C10orf90: variants seen among roughly 807,000 people sequenced by gnomAD.
C10orf90 encodes the protein (E2-independent) E3 ubiquitin-conjugating enzyme FATS.
In C10orf90, 56 loss-of-function variants were observed where a neutral mutation model predicts 62.5. The ratio of observed to expected loss-of-function variants is 0.90; its 90% CI spans 0.72 to 1.12. C10orf90 has a LOEUF of 1.12. Among genes scored for constraint, C10orf90 ranks in the 50% most tolerant of loss-of-function variants. The pLI is 0.00. For missense variants in C10orf90, 970 were observed against 880.4 expected, an observed-to-expected ratio of 1.10 and a Z score of -1.29; for synonymous variants, 386 against 340.4, an observed-to-expected ratio of 1.13 and a Z score of -1.47.
chr10:126,530,520 A>G (rs1864065594), intron 2 of C10orf90, among the ~76,000 whole-genome samples: 1 of 152,192 alleles, frequency 6.6e-6, no homozygotes, highest in Non-Finnish European at 1.5e-5. Flanking sequence ...CCTTACCAAA[A>G]TGATACAATA....
At chr10:126,555,680 G>GTAAATAAATAAA (rs71032506) in intron 2 of C10orf90, among the ~76,000 whole-genome samples, 11,383 of 136,312 alleles carry the variant, frequency 0.084, 584 homozygotes, top group East Asian at 0.14. Context: ...CTCTATCTCA[G>GTAAATAAATAAA]TAAATAAATA....
chr10:126,533,764 G>T (rs1222897528), intron 2 of C10orf90, among the ~76,000 whole-genome samples: 1 of 152,198 alleles, frequency 6.6e-6, no homozygotes, highest in Non-Finnish European at 1.5e-5. Flanking sequence ...TACACATCAC[G>T]CTCACTTTAG....
chr10:126,518,141 G>A (rs952457778), intron 2 of C10orf90, among the ~76,000 whole-genome samples: 8 of 151,838 alleles, frequency 5.3e-5, no homozygotes, highest in African/African-American at 1.7e-4. Context: ...AACCTGACCC[G>A]AGACAGGGTC....
At chr10:126,570,687 A>G (rs1411780149) in intron 2 of C10orf90, among the ~76,000 whole-genome samples, 1 of 152,174 alleles carries the variant, frequency 6.6e-6, no homozygotes, top group African/African-American at 2.4e-5. Context: ...CTGAAAATAA[A>G]TGAGAAACCA....
At chr10:126,664,054 C>T (rs748846722) in intron 1 of C10orf90, among the ~76,000 whole-genome samples, 11 of 152,114 alleles carry the variant, frequency 7.2e-5, no homozygotes, top group South Asian at 2.1e-4. Flanking sequence ...GTCTCTTGTC[C>T]GTGATGGAAT....
At chr10:126,665,950 A>C (rs1177488791) in intron 1 of C10orf90, among the ~76,000 whole-genome samples, 3 of 152,220 alleles carry the variant, frequency 2.0e-5, no homozygotes, top group Non-Finnish European at 4.4e-5. Flanking sequence ...GTGGTAGGTC[A>C]CATCATTCAG....
chr10:126,578,577 GT>G (rs1844673726), intron 2 of C10orf90, among the ~76,000 whole-genome samples: 1 of 152,176 alleles, frequency 6.6e-6, no homozygotes, highest in Non-Finnish European at 1.5e-5. Flanking sequence ...TATTTGGCAT[GT>G]CCTATGATCC....
intron 2 of C10orf90, among the ~76,000 whole-genome samples, chr10:126,567,604 C>T (rs146176808): frequency 1.7e-3 from 257 of 152,228 alleles, no homozygotes; most frequent in Non-Finnish European, 2.7e-3. Context: ...AAAGCAGGGT[C>T]GGAAGCCCTG....
Position 126,652,874 on chromosome 10 carries a change from C to T in C10orf90, c.241-6237G>A, listed in dbSNP as rs184849474. ...ATTTGTAACATTTTCTCTTTACAGGCATACCTCAGAGATATTGGGGGTTCA... is the reference window on the plus strand; with the variant it reads ...ATTTGTAACATTTTCTCTTTACAGGTATACCTCAGAGATATTGGGGGTTCA... On this transcript the variant is annotated intron_variant, in intron 1 of 9. Transcript: ENST00000488181. Among the ~76,000 whole-genome samples, 354 of 152,296 alleles carry T rather than the reference C, an allele frequency of 2.3e-3. 1 individual carries two copies. The highest frequency in any genetic ancestry group is 3.8e-3 in the Admixed American group (58 of 15,302).
chr10:126,644,857 C>G (rs1419001877), intron 2 of C10orf90, among the ~76,000 whole-genome samples: 1 of 152,200 alleles, frequency 6.6e-6, no homozygotes, highest in African/African-American at 2.4e-5. Flanking sequence ...TGCAAGTAAC[C>G]AGACAGGTTT....
chr10:126,427,712 A>G (rs1195578024), intron 8 of C10orf90, among the ~76,000 whole-genome samples: 3 of 152,028 alleles, frequency 2.0e-5, no homozygotes, highest in African/African-American at 7.2e-5. Context: ...TTGGGCTTGC[A>G]CCGGGGGCTC....
chr10:126,578,386 C>T (rs1443599435), intron 2 of C10orf90, among the ~76,000 whole-genome samples: 1 of 152,150 alleles, frequency 6.6e-6, no homozygotes. Context: ...GAAATGTTCT[C>T]AACCACATTA....
chr10:126,522,067 G>A (rs1334872815), intron 2 of C10orf90, among the ~76,000 whole-genome samples: 1 of 152,092 alleles, frequency 6.6e-6, no homozygotes, highest in Non-Finnish European at 1.5e-5. Context: ...TCAGAAGTTC[G>A]AGACCAGCCT....
At chr10:126,606,631 G>A (rs796235338) in intron 2 of C10orf90, among the ~76,000 whole-genome samples, 15 of 152,298 alleles carry the variant, frequency 9.8e-5, no homozygotes, top group African/African-American at 3.6e-4. Context: ...CAGCTCTGAT[G>A]ATTTGCTGTT....
At chr10:126,435,784 G>T (rs187353086) in intron 7 of C10orf90, among the ~76,000 whole-genome samples, 291 of 152,130 alleles carry the variant, frequency 1.9e-3, no homozygotes, top group African/African-American at 6.9e-3. Flanking sequence ...TGACTCCCTA[G>T]GGGTCTTCTC....
chr10:126,482,779 G>C (rs1861232299), intron 4 of C10orf90, among the ~76,000 whole-genome samples: 1 of 152,182 alleles, frequency 6.6e-6, no homozygotes, highest in African/African-American at 2.4e-5. Context: ...GCTCTGGTGT[G>C]TCATTAGGGA....
chr10:126,504,640 C>A lies in C10orf90; in HGVS notation c.851G>T (p.Gly284Val). ...PPALANGAHPGRHQRSFACTE... is the reference protein window; with the variant it reads ...PPALANGAHPVRHQRSFACTE... ...GCAGGCAAAAGATCTCTGATGCCGA[C>A]CTGGATGGGCGCCATTGGCCAGAGC... The change falls in exon 4 of 10, where the codon GGT (glycine) becomes GTT (valine). Residue 284 changes from glycine (G) to valine (V), a missense_variant. Physicochemically the swap from Gly to Val is moderately radical, Grantham distance 109 (BLOSUM62 -3). Coordinates refer to ENST00000488181, the MANE Select transcript of C10orf90 (RefSeq NM_001350921.2). This position sits in a 1 kb window ranked among gnomAD's most constrained non-coding sequence, Gnocchi z 4.1. The A allele has an allele frequency of 6.2e-7, 1 of 1,614,228 alleles. No individual in the cohort carries two copies. The highest frequency in any genetic ancestry group is 8.5e-7 in the Non-Finnish European group (1 of 1,180,046).
chr10:126,451,534 T>C (rs1281675504), intron 7 of C10orf90, among the ~76,000 whole-genome samples: 1 of 152,076 alleles, frequency 6.6e-6, no homozygotes, highest in East Asian at 1.9e-4. Context: ...AGGTGTTGTG[T>C]TTTTATAAGA....
chr10:126,468,405 T>C (rs1357675634), intron 4 of C10orf90, among the ~76,000 whole-genome samples: 1 of 152,162 alleles, frequency 6.6e-6, no homozygotes, highest in African/African-American at 2.4e-5. Flanking sequence ...TCATTGTATC[T>C]GTTAGATAAA....
Sources: allele counts gnomAD v4.1 joint callset (sites outside exome capture counted in the v4.1 genomes callset), GRCh38; gene constraint gnomAD v4.1.1; non-coding constraint Gnocchi (gnomAD v3.1); transcripts MANE v1.5; gene names NCBI Gene and HGNC (gene_info 2026-07-23, HGNC 2026-07-21).